Variants in COL4A3 observed in about 807,000 individuals in gnomAD.
The protein encoded by COL4A3 is collagen type IV alpha 3 chain, also known as collagen alpha-3(IV) chain.
COL4A3 carries 135 observed loss-of-function variants against 217.4 expected under a neutral mutation model. The ratio of observed to expected loss-of-function variants is 0.62; its 90% CI spans 0.54 to 0.72. The LOEUF is 0.72. Ranked by LOEUF, COL4A3 falls within the 30% of genes least tolerant of loss-of-function variation. COL4A3 has a pLI of 0.00. For synonymous variants in COL4A3, 690 were observed against 736.3 expected (o/e 0.94, Z 1.02); for missense variants, 1,868 against 2,119.9 (o/e 0.88, Z 2.33).
intron 19 of COL4A3, 72 bp from the exon 20 acceptor site, chr2:227,261,010 C>A: frequency 7.9e-7 from 1 of 1,273,578 alleles, no homozygotes; most frequent in South Asian, 1.2e-5. Flanking sequence ...ATATTGTCAC[C>A]CAAGATTCCA....
chr2:227,208,855 A>AT (rs1167118812), intron 1 of COL4A3, among the ~76,000 whole-genome samples: 1 of 147,266 alleles, frequency 6.8e-6, no homozygotes, highest in Non-Finnish European at 1.5e-5. Context: ...GGAGCAAAAA[A>AT]CAAAGAAAGA....
intron 15 of COL4A3, among the ~76,000 whole-genome samples, chr2:227,255,279 C>T (rs776917091): frequency 1.3e-5 from 2 of 152,098 alleles, no homozygotes; most frequent in African/African-American, 4.8e-5. Context: ...GAGCAGCCCC[C>T]ACAAAGGAAA....
chr2:227,254,342 G>A (rs2070010953), intron 14 of COL4A3, among the ~76,000 whole-genome samples, 168 bp downstream of exon 14: 1 of 151,648 alleles, frequency 6.6e-6, no homozygotes, highest in Non-Finnish European at 1.5e-5. Context: ...TCTTAATATT[G>A]GCTAAAATAC....
At chr2:227,211,707 G>A (rs555963807) in intron 1 of COL4A3, among the ~76,000 whole-genome samples, 2 of 148,634 alleles carry the variant, frequency 1.3e-5, no homozygotes, top group Non-Finnish European at 1.5e-5. Context: ...GCCCAGGCTG[G>A]AGTGCAGTGG....
rs754534375 is a variant in COL4A3 at position 227,244,807 on chromosome 2, T to C, written c.280-144T>C. 14 of 861,610 alleles carry C rather than the reference T, an allele frequency of 1.6e-5. No homozygotes were observed. The East Asian group carries it at 3.4e-4, about 21-fold the overall frequency. The allele number at this position is 861,610 out of a possible 1,614,324, so 53.4% of individuals were successfully genotyped here. On this transcript the variant is annotated intron_variant, in intron 4 of 51. Coordinates refer to ENST00000396578, the MANE Select transcript of COL4A3 (RefSeq NM_000091.5). ...ACAAAAGTTTGTTAAACCTTTAGTA[T>C]TTGTTTTCCCAATCGTTTCGAGCTA...
At chr2:227,216,585 C>A (rs903818366) in intron 1 of COL4A3, among the ~76,000 whole-genome samples, 6 of 151,998 alleles carry the variant, frequency 3.9e-5, no homozygotes, top group African/African-American at 9.7e-5. Context: ...AGGTAGAAAG[C>A]CTAATACCAC....
chr2:227,262,989 A>G (rs1350165894), intron 20 of COL4A3, among the ~76,000 whole-genome samples: 1 of 152,224 alleles, frequency 6.6e-6, no homozygotes, highest in Non-Finnish European at 1.5e-5. Flanking sequence ...AAGATACTCA[A>G]AAATACCCTG....
At chr2:227,305,362 CA>C in intron 47 of COL4A3, 2 of 389,644 alleles carry the variant, frequency 5.1e-6, no homozygotes, top group Non-Finnish European at 9.7e-6. Context: ...GGTGTTCTTT[CA>C]AAAAGGCCAA....
intron 1 of COL4A3, among the ~76,000 whole-genome samples, chr2:227,233,697 C>T (rs2068532739): frequency 6.6e-6 from 1 of 152,146 alleles, no homozygotes; most frequent in Non-Finnish European, 1.5e-5. Context: ...AAATCAAGAA[C>T]TGTGATTTTG....
intron 14 of COL4A3, 105 bp from the exon 15 acceptor site, chr2:227,254,551 A>G: frequency 1.1e-6 from 1 of 913,878 alleles, no homozygotes. Flanking sequence ...GCACTGAAAC[A>G]TGTTTTTAAA....
chr2:227,245,675 G>T, intron 5 of COL4A3: 1 of 494,304 alleles, frequency 2.0e-6, no homozygotes, highest in Non-Finnish European at 3.7e-6. Flanking sequence ...TTTCTCCCCA[G>T]CTTAAAACAG....
intron 1 of COL4A3, among the ~76,000 whole-genome samples, chr2:227,210,448 A>AAT (rs2067270765): frequency 7.2e-6 from 1 of 139,396 alleles, no homozygotes; most frequent in African/African-American, 2.7e-5. Flanking sequence ...AAATTAGCCA[A>AAT]GTGTGGTGGC....
intron 22 of COL4A3, 46 bp from the exon 23 acceptor site, chr2:227,266,947 G>T (rs181976263): frequency 7.8e-7 from 1 of 1,276,022 alleles, no homozygotes; most frequent in South Asian, 1.2e-5. Flanking sequence ...TCTTTCTGAG[G>T]ACTCAATGTA....
intron 1 of COL4A3, among the ~76,000 whole-genome samples, chr2:227,169,865 A>G (rs532620898): frequency 6.6e-6 from 1 of 152,180 alleles, no homozygotes; most frequent in African/African-American, 2.4e-5. Context: ...CATTGGTCCA[A>G]TATTTTTTTG....
chr2:227,288,404 T>G (rs1285138266), intron 34 of COL4A3, among the ~76,000 whole-genome samples: 1 of 152,074 alleles, frequency 6.6e-6, no homozygotes, highest in Non-Finnish European at 1.5e-5. Context: ...GCCCAATGAC[T>G]ATTTATGAAC....
intron 1 of COL4A3, among the ~76,000 whole-genome samples, chr2:227,172,542 CTCTTCTTCTTCATCA>C (rs1170070062): frequency 6.7e-6 from 1 of 149,526 alleles, no homozygotes; most frequent in Non-Finnish European, 1.5e-5. Flanking sequence ...CTTTCTCTTC[CTCTTCTTCTTCATCA>C]TCTTCTTCTT....
chr2:227,277,366 A>T, intron 27 of COL4A3, 83 bp from the exon 28 acceptor site: 1 of 874,072 alleles, frequency 1.1e-6, no homozygotes, highest in Non-Finnish European at 1.9e-6. Context: ...ATAGGACGAC[A>T]CAGAGAACTT....
chr2:227,264,481 T>A (rs2125975108), intron 21 of COL4A3, among the ~76,000 whole-genome samples: 1 of 152,198 alleles, frequency 6.6e-6, no homozygotes, highest in Non-Finnish European at 1.5e-5. Flanking sequence ...TAAGGCAACA[T>A]GCTATGAGGT....
At chr2:227,263,030 T>A (rs2070686451) in intron 20 of COL4A3, among the ~76,000 whole-genome samples, 1 of 152,214 alleles carries the variant, frequency 6.6e-6, no homozygotes, top group South Asian at 2.1e-4. Context: ...ATTTGATACA[T>A]GTAACAAAAT....
Sources: allele counts gnomAD v4.1 joint callset (sites outside exome capture counted in the v4.1 genomes callset), GRCh38; gene constraint gnomAD v4.1.1; transcripts MANE v1.5; gene names NCBI Gene and HGNC (gene_info 2026-07-23, HGNC 2026-07-21).